The following EDARADD variants were observed in gnomAD, a reference collection of about 807,000 sequenced individuals.
The protein encoded by EDARADD is ectodysplasin-A receptor-associated adapter protein.
A neutral mutation model predicts 25.6 loss-of-function variants in EDARADD; 20 were observed. The ratio of observed to expected loss-of-function variants is 0.78; its 90% CI spans 0.55 to 1.14. The LOEUF is 1.14. Among genes scored for constraint, EDARADD ranks in the 50% most tolerant of loss-of-function variants. The probability of loss-of-function intolerance (pLI) is 0.00; values close to 1 mark genes in which losing one functional copy is unlikely to be tolerated. For missense variants in EDARADD, 225 were observed against 270.1 expected (o/e 0.83, Z 1.17); for synonymous variants, 86 against 94.4 (o/e 0.91, Z 0.52).
chr1:236,423,956 A>G (rs1334548881), intron 3 of EDARADD, among the ~76,000 whole-genome samples: 1 of 151,910 alleles, frequency 6.6e-6, no homozygotes, highest in Non-Finnish European at 1.5e-5. Flanking sequence ...AAATACAAAA[A>G]TTAGCCGGGC....
intron 3 of EDARADD, among the ~76,000 whole-genome samples, chr1:236,379,778 T>C (rs2102995756): frequency 6.6e-6 from 1 of 152,232 alleles, no homozygotes; most frequent in East Asian, 1.9e-4. Context: ...AGACTCCATC[T>C]CAAAAAAACA....
chr1:236,469,994 C>A (rs552365112), intron 5 of EDARADD, among the ~76,000 whole-genome samples: 1 of 152,140 alleles, frequency 6.6e-6, no homozygotes, highest in East Asian at 1.9e-4. Context: ...ACAGGTGTCT[C>A]ACTATGTTGC....
chr1:236,372,394 TC>T (rs1204462470), intron 3 of EDARADD, among the ~76,000 whole-genome samples: 1 of 152,262 alleles, frequency 6.6e-6, no homozygotes, highest in Non-Finnish European at 1.5e-5. Flanking sequence ...GGGTGTTAAA[TC>T]AGTCTTGCAT....
chr1:236,399,846 A>C (rs965522558), intron 1 of EDARADD, among the ~76,000 whole-genome samples: 1 of 152,204 alleles, frequency 6.6e-6, no homozygotes, highest in Non-Finnish European at 1.5e-5. Flanking sequence ...GAGACTCCAC[A>C]CCGCAGGGCT....
rs879654447 is a variant in EDARADD, at chr1:236,394,293, G to C, written c.-152G>C. The C allele has an allele frequency of 5.0e-6, 4 of 801,096 alleles. No individual in the cohort carries two copies. Among genetic ancestry groups the C allele is most frequent in the Non-Finnish European group, 8.4e-6 (4 of 478,016 alleles). The allele number at this position is 801,096 out of a possible 1,614,324, so 49.6% of individuals were successfully genotyped here. ...CCCTTCCTATCCGAAGGCAGACCAA[G>C]AGGAAGTTTATCCTCCCACCTACAA... On this transcript the variant is annotated 5_prime_UTR_variant, in exon 1 of 6. Coordinates refer to ENST00000334232, the MANE Select transcript of EDARADD (RefSeq NM_145861.4).
At chr1:236,480,018 CCAGGGTAA>C (rs1161710642) in intron 5 of EDARADD, among the ~76,000 whole-genome samples, 1 of 146,616 alleles carries the variant, frequency 6.8e-6, no homozygotes, top group African/African-American at 2.5e-5. Flanking sequence ...CGCACTCCAG[CCAGGGTAA>C]CAGAGTGGGA....
chr1:236,375,935 CTT>C lies in EDARADD; in HGVS notation c.-6+25114_-6+25115del, dbSNP rs35653732. ...AAGAATGTTTTTATTTTACCTGCAC[CTT>C]TTTTTTTTTTTTTTTTTGAGACAGA... On this transcript the variant is annotated intron_variant, in intron 3 of 7. Transcript: ENST00000439430. Among the ~76,000 whole-genome samples the C allele has an allele frequency of 7.1e-3, 855 of 120,168 alleles. 7 individuals are homozygous for C. Among genetic ancestry groups the C allele is most frequent in the African/African-American group, 0.021 (689 of 32,130 alleles). 78.8% of individuals were successfully genotyped at this position (120,168 alleles called of 152,430 possible). A position where few individuals can be genotyped will look rare whatever the true frequency, so the allele number is the denominator to read the frequency against.
intron 4 of EDARADD, among the ~76,000 whole-genome samples, chr1:236,443,782 T>C (rs892699991): frequency 6.6e-6 from 1 of 152,136 alleles, no homozygotes; most frequent in Non-Finnish European, 1.5e-5. Context: ...CTTAGAATAG[T>C]ACATAAACTT....
chr1:236,467,777 C>A (rs1290179395), intron 4 of EDARADD, among the ~76,000 whole-genome samples: 1 of 143,834 alleles, frequency 7.0e-6, no homozygotes, highest in Admixed American at 6.9e-5. Context: ...TTTTTTTTTT[C>A]TTTGAGATCT....
intron 4 of EDARADD, among the ~76,000 whole-genome samples, chr1:236,427,967 ATTTTAT>A (rs1657971211): frequency 1.0e-5 from 1 of 99,858 alleles, no homozygotes; most frequent in Non-Finnish European, 2.3e-5. Context: ...TATTTATTTT[ATTTTAT>A]TTTATTTTTT....
At chr1:236,394,218 A>C (rs1462157139), upstream of EDARADD, 4 of 542,652 alleles carry the variant, frequency 7.4e-6, no homozygotes, top group Non-Finnish European at 1.3e-5. Flanking sequence ...AAGAACCACA[A>C]ACCAAACCTC....
upstream of EDARADD, among the ~76,000 whole-genome samples, chr1:236,391,927 A>G (rs1172908195): frequency 6.6e-6 from 1 of 152,192 alleles, no homozygotes; most frequent in African/African-American, 2.4e-5. Context: ...GATGGTCATG[A>G]CCAAGCCACT....
At chr1:236,407,128 A>G (rs893926720) in intron 1 of EDARADD, among the ~76,000 whole-genome samples, 2 of 152,066 alleles carry the variant, frequency 1.3e-5, no homozygotes, top group Non-Finnish European at 2.9e-5. Flanking sequence ...AAGGACCTCA[A>G]ATTTGTAGTG....
At chr1:236,394,846 A>G (rs1372595314) in intron 1 of EDARADD, among the ~76,000 whole-genome samples, 4 of 152,210 alleles carry the variant, frequency 2.6e-5, no homozygotes, top group Admixed American at 2.0e-4. Flanking sequence ...CTTAAGCGTA[A>G]TATTTTAAAT....
At chr1:236,435,795 AGG>A (rs1190389360) in intron 4 of EDARADD, among the ~76,000 whole-genome samples, 9 of 152,136 alleles carry the variant, frequency 5.9e-5, no homozygotes, top group Non-Finnish European at 1.2e-4. Context: ...AATAGAGAGA[AGG>A]GGGATAATAC....
At chr1:236,409,340 TA>T in intron 2 of EDARADD, 66 bp downstream of exon 2, 4 of 1,323,934 alleles carry the variant, frequency 3.0e-6, no homozygotes, top group Non-Finnish European at 4.4e-6. Context: ...GTTATTTCTT[TA>T]CGTTTTTATT....
intron 3 of EDARADD, among the ~76,000 whole-genome samples, chr1:236,366,592 G>A (rs989900658): frequency 1.3e-5 from 2 of 152,126 alleles, no homozygotes; most frequent in African/African-American, 4.8e-5. Context: ...TCTGACCTAT[G>A]AACACTAACT....
intron 4 of EDARADD, among the ~76,000 whole-genome samples, chr1:236,431,669 C>A: frequency 2.0e-5 from 1 of 49,664 alleles, no homozygotes; most frequent in African/African-American, 3.8e-5. Context: ...CGCCTGTAAT[C>A]CCAGCACTTT....
intron 4 of EDARADD, among the ~76,000 whole-genome samples, chr1:236,440,052 G>A (rs987398728): frequency 2.4e-4 from 36 of 152,142 alleles, no homozygotes; most frequent in African/African-American, 8.4e-4. Flanking sequence ...TTTTGTGAGA[G>A]CTTAAGGTGT....
Sources: gnomAD v4.1 joint callset for allele counts (sites outside exome capture counted in the v4.1 genomes callset) on GRCh38, gnomAD v4.1.1 for gene constraint, MANE v1.5 for transcripts, NCBI Gene and HGNC (gene_info 2026-07-23, HGNC 2026-07-21) for gene names.